Variants in PPARGC1A observed in about 807,000 individuals in gnomAD.
PPARGC1A encodes the protein PPARG coactivator 1 alpha.
A neutral mutation model predicts 88.7 loss-of-function variants in PPARGC1A; 25 were observed. That is an observed-to-expected ratio of 0.28 (90% CI 0.21 to 0.39). PPARGC1A has a LOEUF of 0.39. Ranked by LOEUF, PPARGC1A falls within the 10% of genes least tolerant of loss-of-function variation. The pLI is 1.00. For missense variants in PPARGC1A, 880 were observed against 968.7 expected (o/e 0.91, Z 1.22); for synonymous variants, 363 against 355.6 (o/e 1.02, Z -0.24).
intron 2 of PPARGC1A, among the ~76,000 whole-genome samples, chr4:23,843,566 A>G (rs1727450189): frequency 6.6e-6 from 1 of 152,106 alleles, no homozygotes; most frequent in Admixed American, 6.6e-5. Flanking sequence ...GTGAGACAAA[A>G]TATGGATTTG....
At chr4:23,848,018 G>T (rs1326890272) in intron 2 of PPARGC1A, among the ~76,000 whole-genome samples, 1 of 152,048 alleles carries the variant, frequency 6.6e-6, no homozygotes, top group East Asian at 1.9e-4. Context: ...CAACTTTGTG[G>T]CCCTGCTTTC....
At chr4:24,357,708 G>A in the PPARGC1A span, among the ~76,000 whole-genome samples, 3 of 152,110 alleles carry the variant, frequency 2.0e-5, no homozygotes, top group African/African-American at 7.2e-5. Context: ...GAATCATGGG[G>A]GCAGTTTCCT....
chr4:23,827,392 C>G (rs1724150281), intron 5 of PPARGC1A, among the ~76,000 whole-genome samples: 1 of 151,428 alleles, frequency 6.6e-6, no homozygotes, highest in African/African-American at 2.4e-5. Flanking sequence ...CTGGCTCCCA[C>G]TCTGCAGTTA....
chr4:24,146,029 G>A, the PPARGC1A span, among the ~76,000 whole-genome samples: 1 of 152,178 alleles, frequency 6.6e-6, no homozygotes, highest in Non-Finnish European at 1.5e-5. Flanking sequence ...GGCCAAATGA[G>A]TTTGAGAATG....
the PPARGC1A span, among the ~76,000 whole-genome samples, chr4:24,425,215 T>G: frequency 6.6e-6 from 1 of 152,122 alleles, no homozygotes; most frequent in Admixed American, 6.5e-5. Context: ...TGGTAACAGA[T>G]TACAGAGGAT....
chr4:24,397,199 G>A, the PPARGC1A span, among the ~76,000 whole-genome samples: 1 of 152,090 alleles, frequency 6.6e-6, no homozygotes, highest in African/African-American at 2.4e-5. Flanking sequence ...TTAAATGACT[G>A]ACAATATTAC....
At chr4:24,058,203 A>G in the PPARGC1A span, among the ~76,000 whole-genome samples, 1 of 152,154 alleles carries the variant, frequency 6.6e-6, no homozygotes, top group African/African-American at 2.4e-5. Flanking sequence ...TGACTGCTTT[A>G]TGAAGTCTAG....
chr4:23,834,235 G>A (rs1018983783), intron 2 of PPARGC1A, among the ~76,000 whole-genome samples: 7 of 152,256 alleles, frequency 4.6e-5, no homozygotes, highest in Non-Finnish European at 1.0e-4. Context: ...GGGGGGTGGA[G>A]CTTGCAGTGA....
chr4:24,428,140 A>G, the PPARGC1A span, among the ~76,000 whole-genome samples: 3 of 151,734 alleles, frequency 2.0e-5, no homozygotes, highest in Non-Finnish European at 4.4e-5. Flanking sequence ...AAAAAAAAGA[A>G]TTATCCAGCC....
At chr4:24,104,831 C>T in the PPARGC1A span, among the ~76,000 whole-genome samples, 2 of 152,188 alleles carry the variant, frequency 1.3e-5, no homozygotes, top group African/African-American at 4.8e-5. Context: ...AAGGAATCTG[C>T]AGATGGAGAA....
the PPARGC1A span, among the ~76,000 whole-genome samples, chr4:23,974,275 A>G: frequency 6.6e-6 from 1 of 152,218 alleles, no homozygotes; most frequent in African/African-American, 2.4e-5. Flanking sequence ...CGCAGAGCAG[A>G]TATCTGCTAT....
chr4:24,390,989 T>A, the PPARGC1A span, among the ~76,000 whole-genome samples: 1 of 152,216 alleles, frequency 6.6e-6, no homozygotes, highest in Non-Finnish European at 1.5e-5. Context: ...AGGCCTGTTT[T>A]GAGTACTTCA....
intron 2 of PPARGC1A, among the ~76,000 whole-genome samples, chr4:23,856,480 C>T (rs1730217751): frequency 6.6e-6 from 1 of 152,184 alleles, no homozygotes; most frequent in Non-Finnish European, 1.5e-5. Flanking sequence ...ATTGTGATTG[C>T]TTGTCTTCCC....
At chr4:24,294,113 G>T in the PPARGC1A span, among the ~76,000 whole-genome samples, 1 of 152,098 alleles carries the variant, frequency 6.6e-6, no homozygotes, top group South Asian at 2.1e-4. Context: ...ATCCCAAGTC[G>T]AGCTCATACC....
chr4:24,166,257 G>A, the PPARGC1A span, among the ~76,000 whole-genome samples: 3 of 152,190 alleles, frequency 2.0e-5, no homozygotes, highest in African/African-American at 4.8e-5. Context: ...AGAAAAGTCC[G>A]AAGCTGGCAG....
At chr4:24,221,442 T>C in the PPARGC1A span, among the ~76,000 whole-genome samples, 1 of 152,236 alleles carries the variant, frequency 6.6e-6, no homozygotes. Context: ...TGGCAGAACC[T>C]GGTTTTTATC....
chr4:23,980,277 A>G, the PPARGC1A span, among the ~76,000 whole-genome samples: 1 of 151,590 alleles, frequency 6.6e-6, no homozygotes, highest in African/African-American at 2.4e-5. Context: ...CTATCTGCTC[A>G]AACATCTTCA....
chr4:23,995,708 A>G, the PPARGC1A span, among the ~76,000 whole-genome samples: 2 of 151,956 alleles, frequency 1.3e-5, no homozygotes, highest in African/African-American at 4.8e-5. Context: ...TCTGTGGGGG[A>G]AGTCTTCGAT....
chr4:23,828,377 G>A, intron 5 of PPARGC1A, 23 bp downstream of exon 5: 1 of 1,595,596 alleles, frequency 6.3e-7, no homozygotes. Context: ...CTCACCAACA[G>A]CTCGTTTTGG....
Sources: gnomAD v4.1 joint callset for allele counts (sites outside exome capture counted in the v4.1 genomes callset) on GRCh38, gnomAD v4.1.1 for gene constraint, MANE v1.5 for transcripts, NCBI Gene and HGNC (gene_info 2026-07-23, HGNC 2026-07-21) for gene names.